GLI2: variants seen among roughly 807,000 people sequenced by gnomAD.
The protein encoded by GLI2 is transcription activator GLI2.
In GLI2, 22 loss-of-function variants were observed where a neutral mutation model predicts 78.9. The ratio of observed to expected loss-of-function variants is 0.28; its 90% confidence interval spans 0.20 to 0.40. GLI2 has a LOEUF of 0.40. Ranked by LOEUF, GLI2 falls within the 10% of genes least tolerant of loss-of-function variation. GLI2 has a pLI of 1.00. For missense variants in GLI2, 2,097 were observed against 2,213.2 expected (o/e 0.95, Z 1.05); for synonymous variants, 974 against 963.7 (o/e 1.01, Z -0.20).
At chr2:120,790,934 T>C (rs185343633) in intron 1 of GLI2, among the ~76,000 whole-genome samples, 118 of 151,712 alleles carry the variant, frequency 7.8e-4, no homozygotes, top group African/African-American at 2.8e-3. Flanking sequence ...AAGCTGCCCA[T>C]GTGGGGCAGC....
intron 2 of GLI2, among the ~76,000 whole-genome samples, chr2:120,881,124 G>A (rs1677093765): frequency 6.6e-6 from 1 of 152,318 alleles, no homozygotes; most frequent in South Asian, 2.1e-4. Flanking sequence ...ACCCTTTCAG[G>A]CACACAGAGG....
At chr2:120,872,156 G>A (rs1038710400) in intron 2 of GLI2, among the ~76,000 whole-genome samples, 9 of 152,208 alleles carry the variant, frequency 5.9e-5, no homozygotes, top group Non-Finnish European at 1.0e-4. Flanking sequence ...CTCACGCTGT[G>A]ACACTTGCTC....
chr2:120,957,218 T>C (rs1042857483), intron 5 of GLI2, among the ~76,000 whole-genome samples: 7 of 152,182 alleles, frequency 4.6e-5, no homozygotes, highest in Admixed American at 3.9e-4. Flanking sequence ...GCCACCAGAA[T>C]TTGGTCCCTG....
Position 120,797,346 on chromosome 2 carries a change from C to A in GLI2, c.26C>A (p.Ala9Asp). 1 of 1,614,018 alleles carries A rather than the reference C, an allele frequency of 6.2e-7. No homozygotes were observed. Among genetic ancestry groups the A allele is most frequent in the Non-Finnish European group, 8.5e-7 (1 of 1,179,974 alleles). Residue 9 changes from alanine to aspartate, a missense_variant, in exon 2 of 14, where the codon GCC becomes GAC. Physicochemically the swap from Ala to Asp is moderately radical, Grantham distance 126. Coordinates refer to ENST00000361492, the MANE Select transcript of GLI2 (RefSeq NM_001374353.1). ...ATGGAGACGTCTGCCTCAGCCACTG[C>A]CTCCGAGAAGCAAGAAGCCAAAAGT... Reference protein sequence around the residue: METSASATASEKQEAKSGI... With the variant: METSASATDSEKQEAKSGI...
At chr2:120,769,278 G>A (rs927092994) in intron 1 of GLI2, among the ~76,000 whole-genome samples, 6 of 152,224 alleles carry the variant, frequency 3.9e-5, no homozygotes, top group Non-Finnish European at 7.3e-5. Flanking sequence ...GGGCTAAAGC[G>A]CACAGGCCCC....
Position 120,821,403 on chromosome 2 carries a change from C to T in GLI2, c.148+23935C>T, listed in dbSNP as rs75663020. Among the ~76,000 whole-genome samples, 372 of 152,302 alleles carry T rather than the reference C, an allele frequency of 2.4e-3. 3 individuals carry two copies. Among genetic ancestry groups the T allele is most frequent in the African/African-American group, 8.3e-3 (345 of 41,562 alleles). On this transcript the variant is annotated intron_variant, in intron 2 of 13. Transcript: ENST00000361492. ...TGAACTTCTACTGTGAAAGAAATAG[C>T]AGATCCGGCGGACATTTATGGGCGA...
In GLI2 at chr2:120,989,053, G is replaced by A. The variant is rs1683140003; in HGVS notation, c.3088G>A (p.Ala1030Thr). The stretch of plus-strand genomic sequence containing the variant: ...GGCCGTGGCGGCAGGAGTGGACGGC[G>A]CGGGGCCCGAGGCCGACCTGGGGCT... ...MEAVAAGVDG[A>T]GPEADLGLPE... is the part of the protein sequence containing the mutation. Residue 1030 changes from alanine to threonine, a missense_variant, in exon 14 of 14, where the codon GCG becomes ACG. Coordinates refer to ENST00000361492, the MANE Select transcript of GLI2 (RefSeq NM_001374353.1). 1.2e-6 allele frequency: 2 copies of A among 1,608,782 alleles called. No homozygotes were observed. The highest frequency in any genetic ancestry group is 1.3e-5 in the African/African-American group (1 of 75,042).
At chr2:120,962,825 G>A (rs1681650069) in intron 5 of GLI2, among the ~76,000 whole-genome samples, 1 of 152,238 alleles carries the variant, frequency 6.6e-6, no homozygotes, top group South Asian at 2.1e-4. Flanking sequence ...ATGAGAGGGT[G>A]GGAATCCAAA....
intron 2 of GLI2, among the ~76,000 whole-genome samples, chr2:120,861,686 C>T (rs1426890725): frequency 2.0e-5 from 3 of 152,168 alleles, no homozygotes; most frequent in Non-Finnish European, 4.4e-5. Context: ...CTGGGGGAAC[C>T]GGGGCCTGCT....
chr2:120,971,037 G>C (rs1682141909), intron 7 of GLI2, among the ~76,000 whole-genome samples: 1 of 152,220 alleles, frequency 6.6e-6, no homozygotes, highest in Non-Finnish European at 1.5e-5. Flanking sequence ...CTAGTACAGT[G>C]CCTGGCACAT....
At chr2:120,835,471 C>A (rs1053451433) in intron 2 of GLI2, among the ~76,000 whole-genome samples, 1 of 151,746 alleles carries the variant, frequency 6.6e-6, no homozygotes, top group Non-Finnish European at 1.5e-5. Context: ...GTGCAACCCC[C>A]GTCTCCTGGG....
In GLI2 at chr2:120,990,990, G is replaced by T. The variant is rs768497665; in HGVS notation, c.*315G>T. The stretch of plus-strand genomic sequence containing the variant: ...TCCGGCTTCTTCACGGCTGACATTC[G>T]GCTAACGAGGGATTACTTTGGCCAA... On this transcript the variant is annotated 3_prime_UTR_variant, in exon 14 of 14. Coordinates refer to ENST00000361492, the MANE Select transcript of GLI2 (RefSeq NM_001374353.1). The T allele has an allele frequency of 3.0e-6, 1 of 330,948 alleles. No individual in the cohort carries two copies. Among genetic ancestry groups the T allele is most frequent in the Non-Finnish European group, 5.5e-6 (1 of 180,786 alleles). 20.5% of individuals were successfully genotyped at this position (330,948 alleles called of 1,614,324 possible). A position where few individuals can be genotyped will look rare whatever the true frequency, so the allele number is the denominator to read the frequency against.
chr2:120,739,380 G>A (rs1270678245), intron 1 of GLI2, among the ~76,000 whole-genome samples: 1 of 152,304 alleles, frequency 6.6e-6, no homozygotes. Context: ...GAAAGCTTGT[G>A]TGACCCCCTC....
intron 2 of GLI2, among the ~76,000 whole-genome samples, chr2:120,828,620 G>A (rs534336596): frequency 1.1e-4 from 16 of 152,048 alleles, no homozygotes; most frequent in Non-Finnish European, 2.1e-4. Flanking sequence ...GCCCTGCCCC[G>A]TTTCTCCTCC....
rs148001913 is a variant in GLI2 at position 120,916,935 on chromosome 2, C to T, written c.149-10426C>T. The stretch of plus-strand genomic sequence containing the variant: ...CCAGCCTCTTCTTTGAAGCTGGTGT[C>T]GTCGTTTCTGGTATCTTCTGGGAAG... On this transcript the variant is annotated intron_variant, in intron 2 of 13. Coordinates refer to ENST00000361492, the MANE Select transcript of GLI2 (RefSeq NM_001374353.1). Among the ~76,000 whole-genome samples the T allele has an allele frequency of 4.6e-5, 7 of 152,280 alleles. No individual in the cohort carries two copies. The East Asian group carries it at 5.8e-4, about 13-fold the overall frequency.
At chr2:120,940,697 T>C (rs1356395470) in intron 3 of GLI2, among the ~76,000 whole-genome samples, 1 of 152,220 alleles carries the variant, frequency 6.6e-6, no homozygotes, top group African/African-American at 2.4e-5. Context: ...TGTGATTTCC[T>C]GAGCTCGTAA....
At chr2:120,876,349 TAAAC>T (rs970792827) in intron 2 of GLI2, among the ~76,000 whole-genome samples, 5 of 151,724 alleles carry the variant, frequency 3.3e-5, no homozygotes, top group African/African-American at 4.8e-5. Context: ...CTCAAAAAAA[TAAAC>T]AAACAAACAA....
intron 4 of GLI2, chr2:120,951,795 A>T: frequency 9.5e-6 from 2 of 210,540 alleles, no homozygotes; most frequent in Non-Finnish European, 1.9e-5. Flanking sequence ...GGAGTGTCTC[A>T]TGCAGAAGGA....
intron 5 of GLI2, among the ~76,000 whole-genome samples, chr2:120,965,615 G>A (rs1169279862): frequency 6.8e-6 from 1 of 147,164 alleles, no homozygotes; most frequent in African/African-American, 2.5e-5. Flanking sequence ...CGGCAGAAGG[G>A]CACACTCCAG....
Sources: allele counts gnomAD v4.1 joint callset (sites outside exome capture counted in the v4.1 genomes callset), GRCh38; gene constraint gnomAD v4.1.1; transcripts MANE v1.5; gene names NCBI Gene and HGNC (gene_info 2026-07-23, HGNC 2026-07-21).